Variants in ARID3B observed in about 807,000 individuals in gnomAD.
ARID3B encodes the protein AT-rich interactive domain-containing protein 3B.
A neutral mutation model predicts 51.9 loss-of-function variants in ARID3B; 10 were observed. The ratio of observed to expected loss-of-function variants is 0.19; its 90% CI spans 0.12 to 0.33. The LOEUF is 0.33. Among genes scored for constraint, ARID3B ranks in the 10% least tolerant of loss-of-function variants. The pLI is 1.00. For synonymous variants in ARID3B, 205 were observed against 279.5 expected (o/e 0.73, Z 2.66); for missense variants, 483 against 716.3 (o/e 0.67, Z 3.72).
At chr15:74,541,493 C>T (rs1312234732) in intron 1 of ARID3B, among the ~76,000 whole-genome samples, 163 bp downstream of exon 1, 3 of 152,250 alleles carry the variant, frequency 2.0e-5, no homozygotes, top group Non-Finnish European at 4.4e-5. Context: ...GCGGGAGCCC[C>T]GAGCGCCCTG....
intron 2 of ARID3B, among the ~76,000 whole-genome samples, chr15:74,566,353 A>T (rs1407333474): frequency 6.6e-6 from 1 of 152,006 alleles, no homozygotes; most frequent in Non-Finnish European, 1.5e-5. Context: ...TAATCCCATC[A>T]CTTGGGGAGG....
rs994931001 is a variant in ARID3B, at chr15:74,582,031, G to T, written c.698-7789G>T. Among the ~76,000 whole-genome samples the T allele has an allele frequency of 5.9e-5, 9 of 152,334 alleles. No homozygotes were observed. The East Asian group carries it at 1.7e-3, about 29-fold the overall frequency. The stretch of plus-strand genomic sequence containing the variant: ...CAGAAGGCCCATGAGGTGTGCCCCA[G>T]CCCAGCCAGCCTTCCACTCCTCTCC... On this transcript the variant is annotated intron_variant, in intron 4 of 8. Transcript: ENST00000346246.
intron 2 of ARID3B, among the ~76,000 whole-genome samples, chr15:74,560,170 AC>A: frequency 6.6e-6 from 1 of 151,476 alleles, no homozygotes; most frequent in Admixed American, 6.6e-5. Context: ...GCACCACTGC[AC>A]TCCAGCCTGG....
At chr15:74,554,729 CT>C (rs2061650951) in intron 2 of ARID3B, among the ~76,000 whole-genome samples, 1 of 152,068 alleles carries the variant, frequency 6.6e-6, no homozygotes, top group African/African-American at 2.4e-5. Flanking sequence ...AGAAATTATA[CT>C]TTTCTGTTTT....
At chr15:74,557,949 G>A (rs962131741) in intron 2 of ARID3B, among the ~76,000 whole-genome samples, 10 of 151,052 alleles carry the variant, frequency 6.6e-5, no homozygotes, top group Non-Finnish European at 1.5e-4. Flanking sequence ...AGCTTCCTGA[G>A]TAGCTGGGAC....
At chr15:74,587,139 T>A (rs2061784667) in intron 4 of ARID3B, among the ~76,000 whole-genome samples, 1 of 151,402 alleles carries the variant, frequency 6.6e-6, no homozygotes, top group Admixed American at 6.6e-5. Flanking sequence ...GCAATAAGAG[T>A]TTTCATAGGT....
rs2061802392 is a variant in ARID3B, at chr15:74,591,328, C to T, written c.1059C>T (p.Ala353=). Reference sequence around the variant, plus strand: ...CTGCTGCCGCTGCCGGGGCCCCTGCCCTTCTCTCCCCACCCAAGATCCGCT... The same window carrying T: ...CTGCTGCCGCTGCCGGGGCCCCTGCTCTTCTCTCCCCACCCAAGATCCGCT... ...ATAAAAAGAP[A]LLSPPKIRFP... The change falls in exon 6 of 9, where the codon GCC becomes GCT. Residue 353 remains alanine (A), a synonymous_variant. Transcript: ENST00000346246. This position sits in a 1 kb window ranked among gnomAD's most constrained non-coding sequence, Gnocchi z 5.8. 3 of 1,613,946 alleles carry T rather than the reference C, an allele frequency of 1.9e-6. No individual in the cohort carries two copies. The African/African-American group carries it at 4.0e-5, about 22-fold the overall frequency.
At chr15:74,570,674 T>C (rs1596257723) in intron 2 of ARID3B, among the ~76,000 whole-genome samples, 1 of 152,094 alleles carries the variant, frequency 6.6e-6, no homozygotes, top group Admixed American at 6.6e-5. Context: ...CCTGGGATAA[T>C]TGACTTTCCA....
intron 4 of ARID3B, among the ~76,000 whole-genome samples, chr15:74,579,707 C>T (rs2061752075): frequency 6.6e-6 from 1 of 152,130 alleles, no homozygotes; most frequent in Admixed American, 6.5e-5. Context: ...TGACTGAAGC[C>T]AAATTCAACT....
chr15:74,586,149 G>A (rs769078132), intron 4 of ARID3B, among the ~76,000 whole-genome samples: 31 of 152,180 alleles, frequency 2.0e-4, no homozygotes, highest in Non-Finnish European at 3.4e-4. Context: ...AGTATGCCCT[G>A]GGTGGAGCTG....
intron 2 of ARID3B, among the ~76,000 whole-genome samples, chr15:74,545,454 ATGAATTATCTTGGAGGGTGG>A (rs2061612277): frequency 6.6e-6 from 1 of 152,330 alleles, no homozygotes; most frequent in Non-Finnish European, 1.5e-5. Flanking sequence ...CTGAGTCCTA[ATGAATTATCTTGGAGGGTGG>A]AGCCTAGGGA....
At chr15:74,589,528 A>G (rs952394367) in intron 4 of ARID3B, among the ~76,000 whole-genome samples, 15 of 152,150 alleles carry the variant, frequency 9.9e-5, no homozygotes, top group African/African-American at 3.6e-4. Context: ...AAACACACAC[A>G]CACGAACTAA....
intron 4 of ARID3B, among the ~76,000 whole-genome samples, chr15:74,580,607 G>A (rs1283522160): frequency 6.6e-6 from 1 of 152,152 alleles, no homozygotes; most frequent in Non-Finnish European, 1.5e-5. Flanking sequence ...GAGAGCAAAG[G>A]TTATCACCTG....
chr15:74,545,232 A>G (rs1433510035), intron 2 of ARID3B, among the ~76,000 whole-genome samples: 1 of 152,216 alleles, frequency 6.6e-6, no homozygotes, highest in Non-Finnish European at 1.5e-5. Flanking sequence ...GTTGTTTTGG[A>G]GCTAAACACA....
At position 74,591,488 on chromosome 15, in the gene ARID3B, C is replaced by T; in HGVS notation, c.1165+54C>T. 6.3e-7 allele frequency: 1 copy of T among 1,592,608 alleles called. No homozygotes were observed. On this transcript the variant is annotated intron_variant, in intron 6 of 8. Transcript: ENST00000346246. The surrounding 1 kb of genome is among the most constrained non-coding windows in gnomAD (Gnocchi z 5.8). ...GAAAGGGAGGAAGGGATGCCAGTTC[C>T]CTGTGTTCAAGACTGGGGTTTTGGG...
intron 2 of ARID3B, among the ~76,000 whole-genome samples, chr15:74,553,878 C>T (rs941258601): frequency 6.6e-6 from 1 of 151,840 alleles, no homozygotes; most frequent in African/African-American, 2.4e-5. Context: ...GGCTGGAGTG[C>T]AATGGCACAA....
intron 4 of ARID3B, among the ~76,000 whole-genome samples, chr15:74,588,585 C>T (rs118034485): frequency 3.2e-4 from 48 of 152,256 alleles, no homozygotes; most frequent in Non-Finnish European, 5.9e-4. Context: ...CTGCCCTGGA[C>T]GGTGACCCTT....
At chr15:74,546,843 A>T (rs1392114470) in intron 2 of ARID3B, among the ~76,000 whole-genome samples, 3 of 152,196 alleles carry the variant, frequency 2.0e-5, no homozygotes, top group African/African-American at 7.2e-5. Flanking sequence ...AAACCGTCAG[A>T]TGTGCACGTC....
intron 4 of ARID3B, among the ~76,000 whole-genome samples, chr15:74,583,014 T>G (rs1339023141): frequency 1.4e-5 from 2 of 142,092 alleles, no homozygotes; most frequent in Non-Finnish European, 3.1e-5. Context: ...GGCAACATGG[T>G]GAAACCCCAT....
Sources: allele counts gnomAD v4.1 joint callset (sites outside exome capture counted in the v4.1 genomes callset), GRCh38; gene constraint gnomAD v4.1.1; non-coding constraint Gnocchi (gnomAD v3.1); transcripts MANE v1.5; gene names NCBI Gene and HGNC (gene_info 2026-07-23, HGNC 2026-07-21).